AGAP1: variants seen among roughly 807,000 people sequenced by gnomAD.
AGAP1 encodes arf-GAP with GTPase, ANK repeat and PH domain-containing protein 1.
AGAP1 carries 29 observed loss-of-function variants against 105.3 expected under a neutral mutation model. That is an observed-to-expected ratio of 0.28 (90% confidence interval 0.21 to 0.38). The LOEUF is 0.38. Among genes scored for constraint, AGAP1 ranks in the 10% least tolerant of loss-of-function variants. The probability of loss-of-function intolerance (pLI) is 1.00; values close to 1 mark genes in which losing one functional copy is unlikely to be tolerated. For synonymous variants in AGAP1, 509 were observed against 485.9 expected, an observed-to-expected ratio of 1.05 and a Z score of -0.63; for missense variants, 998 against 1,165.1, an observed-to-expected ratio of 0.86 and a Z score of 2.09.
intron 3 of AGAP1, chr2:235,718,370 A>G (rs1951223194): frequency 1.0e-6 from 1 of 985,712 alleles, no homozygotes; most frequent in East Asian, 1.1e-4. Context: ...TGGCTGTTCC[A>G]TTCTTTGCAG....
At chr2:235,641,762 A>C (rs1271359347) in intron 1 of AGAP1, among the ~76,000 whole-genome samples, 2 of 152,214 alleles carry the variant, frequency 1.3e-5, no homozygotes, top group Non-Finnish European at 2.9e-5. Context: ...TTGAAGAATG[A>C]TTTCCCATAA....
In AGAP1 at chr2:235,552,287, C is replaced by CA. The variant is rs2149118032; in HGVS notation, c.163+57440dup. 6.6e-6 allele frequency among the ~76,000 whole-genome samples: 1 copy of CA among 152,296 alleles called. No homozygotes were observed. The highest frequency in any genetic ancestry group is 1.9e-4 in the East Asian group (1 of 5,182). ...GCAGGAAAGAGAGAGACATTGGTGC[C>CA]AAGAAATCCTATCGGGGACATTTAA... On this transcript the variant is annotated intron_variant, in intron 1 of 17. Coordinates refer to ENST00000304032, the MANE Select transcript of AGAP1 (RefSeq NM_001037131.3). The surrounding 1 kb of genome is among the most constrained non-coding windows in gnomAD (Gnocchi z 5.9).
chr2:235,979,406 G>A lies in AGAP1; in HGVS notation c.1645+10783G>A, dbSNP rs1313329869. The stretch of plus-strand genomic sequence containing the variant: ...AAATGCCTGTCTCGCCTGGCTGCGG[G>A]GTCCGATCATAGTTACTGACTCGCG... On this transcript the variant is annotated intron_variant, in intron 13 of 17. Coordinates refer to ENST00000304032, the MANE Select transcript of AGAP1 (RefSeq NM_001037131.3). The surrounding 1 kb of genome is among the most constrained non-coding windows in gnomAD (Gnocchi z 4.5). Among the ~76,000 whole-genome samples the A allele has an allele frequency of 6.6e-6, 1 of 152,046 alleles. No individual in the cohort carries two copies. Among genetic ancestry groups the A allele is most frequent in the Non-Finnish European group, 1.5e-5 (1 of 68,020 alleles).
rs1000018030 is a variant in AGAP1 at position 235,931,595 on chromosome 2, G to A, written c.1483+672G>A. Among the ~76,000 whole-genome samples, 11 of 151,946 alleles carry A rather than the reference G, an allele frequency of 7.2e-5. No individual in the cohort carries two copies. The highest frequency in any genetic ancestry group is 2.7e-4 in the African/African-American group (11 of 41,348). ...GTTTGCCTGTGGCGTTTTGTCTCTGGCCTGTTCACCGGTATTTAAAGGAAT... is the reference window on the plus strand; with the variant it reads ...GTTTGCCTGTGGCGTTTTGTCTCTGACCTGTTCACCGGTATTTAAAGGAAT... On this transcript the variant is annotated intron_variant, in intron 12 of 17. Transcript: ENST00000304032. This position sits in a 1 kb window ranked among gnomAD's most constrained non-coding sequence, Gnocchi z 5.6.
chr2:235,733,885 T>A lies in AGAP1; in HGVS notation c.311-7078T>A, dbSNP rs1360467608. 1.3e-5 allele frequency among the ~76,000 whole-genome samples: 2 copies of A among 152,238 alleles called. No individual in the cohort carries two copies. The highest frequency in any genetic ancestry group is 4.8e-5 in the African/African-American group (2 of 41,448). ...GAAGTGAAATCTGATTTGGCTAAAT[T>A]TTGTAAACAAAGATGTTACCAATAA... On this transcript the variant is annotated intron_variant, in intron 3 of 17. Transcript: ENST00000304032. This position sits in a 1 kb window ranked among gnomAD's most constrained non-coding sequence, Gnocchi z 5.0.
rs192831694 is a variant in AGAP1, at chr2:236,043,646, G to A, written c.1891+2805G>A. On this transcript the variant is annotated intron_variant, in intron 15 of 17. Transcript: ENST00000304032. ...GGAGGCTGAGGCAGGACTTGAACTCGAGAGGCGGAGTTTGCAGTGAGCCAA... is the reference window on the plus strand; with the variant it reads ...GGAGGCTGAGGCAGGACTTGAACTCAAGAGGCGGAGTTTGCAGTGAGCCAA... Among the ~76,000 whole-genome samples, 12 of 151,792 alleles carry A rather than the reference G, an allele frequency of 7.9e-5. No homozygotes were observed. In the East Asian group the frequency reaches 1.4e-3, roughly 17 times the overall value.
rs78293578 is a variant in AGAP1 at position 235,893,485 on chromosome 2, G to C, written c.1155+10036G>C. On this transcript the variant is annotated intron_variant, in intron 10 of 17. Coordinates refer to ENST00000304032, the MANE Select transcript of AGAP1 (RefSeq NM_001037131.3). This position sits in a 1 kb window ranked among gnomAD's most constrained non-coding sequence, Gnocchi z 4.7. The stretch of plus-strand genomic sequence containing the variant: ...CGGGTGCACCATGTCCATCATAAGG[G>C]TGAGCCATGTTTGTGGCGTGGGTGT... 0.029 allele frequency among the ~76,000 whole-genome samples: 4,381 copies of C among 149,666 alleles called. 138 individuals carry two copies. The highest frequency in any genetic ancestry group is 0.094 in the South Asian group (435 of 4,650).
At position 235,521,742 on chromosome 2, in the gene AGAP1, A is replaced by ATGTGTG. The variant is rs59090836; in HGVS notation, c.163+26927_163+26932dup. 6.7e-3 allele frequency among the ~76,000 whole-genome samples: 809 copies of ATGTGTG among 121,568 alleles called. 9 individuals carry two copies. The highest frequency in any genetic ancestry group is 9.0e-3 in the Non-Finnish European group (504 of 55,808). 79.8% of individuals were successfully genotyped at this position (121,568 alleles called of 152,430 possible). A position where few individuals can be genotyped will look rare whatever the true frequency, so the allele number is the denominator to read the frequency against. On this transcript the variant is annotated intron_variant, in intron 1 of 17. Coordinates refer to ENST00000304032, the MANE Select transcript of AGAP1 (RefSeq NM_001037131.3). ...TTTCTTGTTTTTGTTTGTTATATAT[A>ATGTGTG]TGTGTGTGTGTGTGTGTGTGTGTGT... is the stretch of plus-strand genomic sequence containing the variant.
At chr2:235,975,410 C>T (rs759629269) in intron 13 of AGAP1, among the ~76,000 whole-genome samples, 13 of 152,208 alleles carry the variant, frequency 8.5e-5, no homozygotes, top group East Asian at 1.9e-4. Context: ...TGTAACCATC[C>T]GGTTAGATGG....
Position 236,082,345 on chromosome 2 carries a change from T to C in AGAP1, c.2114+33064T>C, listed in dbSNP as rs568091663. ...TAATTTCCTCTGCCAGCTAATTTAATTAATCACCCCCAGCTCAGCTCTTCC... is the reference window on the plus strand; with the variant it reads ...TAATTTCCTCTGCCAGCTAATTTAACTAATCACCCCCAGCTCAGCTCTTCC... On this transcript the variant is annotated intron_variant, in intron 16 of 17. Coordinates refer to ENST00000304032, the MANE Select transcript of AGAP1 (RefSeq NM_001037131.3). This position sits in a 1 kb window ranked among gnomAD's most constrained non-coding sequence, Gnocchi z 4.2. 4.6e-5 allele frequency among the ~76,000 whole-genome samples: 7 copies of C among 152,358 alleles called. No homozygotes were observed. In the South Asian group the frequency reaches 1.2e-3, roughly 27 times the overall value.
At position 235,521,291 on chromosome 2, in the gene AGAP1, A is replaced by G. The variant is rs558932518; in HGVS notation, c.163+26442A>G. Reference sequence around the variant, plus strand: ...TCCTGGTGGAGGTGTACTTAGATACATTTCTTTATTTTCAATTTTTAGGGA... The same window carrying G: ...TCCTGGTGGAGGTGTACTTAGATACGTTTCTTTATTTTCAATTTTTAGGGA... On this transcript the variant is annotated intron_variant, in intron 1 of 17. Coordinates refer to ENST00000304032, the MANE Select transcript of AGAP1 (RefSeq NM_001037131.3). Among the ~76,000 whole-genome samples, 80 of 152,240 alleles carry G rather than the reference A, an allele frequency of 5.3e-4. 1 individual carries two copies. Among genetic ancestry groups the G allele is most frequent in the South Asian group, 5.0e-3 (24 of 4,822 alleles).
At position 235,994,941 on chromosome 2, in the gene AGAP1, C is replaced by A. The variant is rs1162223127; in HGVS notation, c.1645+26318C>A. Among the ~76,000 whole-genome samples the A allele has an allele frequency of 6.6e-6, 1 of 150,546 alleles. No individual in the cohort carries two copies. Among genetic ancestry groups the A allele is most frequent in the South Asian group, 2.1e-4 (1 of 4,754 alleles). On this transcript the variant is annotated intron_variant, in intron 13 of 17. Coordinates refer to ENST00000304032, the MANE Select transcript of AGAP1 (RefSeq NM_001037131.3). This position sits in a 1 kb window ranked among gnomAD's most constrained non-coding sequence, Gnocchi z 4.4. The stretch of plus-strand genomic sequence containing the variant: ...CATTAGCCAAGCGTGGTGGTAGGCG[C>A]CTGTAATCGCAGCTACTTGGGAGGC...
At chr2:235,873,243 C>T (rs2049532449) in intron 9 of AGAP1, among the ~76,000 whole-genome samples, 1 of 152,346 alleles carries the variant, frequency 6.6e-6, no homozygotes, top group African/African-American at 2.4e-5. Flanking sequence ...AATCAGTGTT[C>T]AGAATTAATT....
rs978266920 is a variant in AGAP1 at position 236,042,380 on chromosome 2, A to G, written c.1891+1539A>G. ...CGGGTGAGGGAAGGGGTTCTTCTCC[A>G]GGTATCTTGAGGTTCTTCTTTAAAG... On this transcript the variant is annotated intron_variant, in intron 15 of 17. Coordinates refer to ENST00000304032, the MANE Select transcript of AGAP1 (RefSeq NM_001037131.3). This position sits in a 1 kb window ranked among gnomAD's most constrained non-coding sequence, Gnocchi z 5.6. Among the ~76,000 whole-genome samples the G allele has an allele frequency of 1.3e-5, 2 of 152,182 alleles. No individual in the cohort carries two copies. Among genetic ancestry groups the G allele is most frequent in the African/African-American group, 4.8e-5 (2 of 41,466 alleles).
In AGAP1 at chr2:235,908,989, G is replaced by A; in HGVS notation, c.1324+83G>A. 7.8e-7 allele frequency: 1 copy of A among 1,285,884 alleles called. No homozygotes were observed. Among genetic ancestry groups the A allele is most frequent in the Non-Finnish European group, 1.1e-6 (1 of 920,524 alleles). 79.7% of individuals were successfully genotyped at this position (1,285,884 alleles called of 1,614,324 possible). A position where few individuals can be genotyped will look rare whatever the true frequency, so the allele number is the denominator to read the frequency against. ...CTCGAGGATAATGTTGGACTCCTAG[G>A]TTAAGTGGAGACAGTAACTATCACA... is the stretch of plus-strand genomic sequence containing the variant. On this transcript the variant is annotated intron_variant, in intron 11 of 17. Transcript: ENST00000304032. This position sits in a 1 kb window ranked among gnomAD's most constrained non-coding sequence, Gnocchi z 4.4.
intron 13 of AGAP1, among the ~76,000 whole-genome samples, chr2:236,010,448 C>T (rs2056472071): frequency 6.6e-6 from 1 of 152,198 alleles, no homozygotes; most frequent in Non-Finnish European, 1.5e-5. Context: ...GATCAGATGC[C>T]TTAAGAAATG....
At position 235,712,892 on chromosome 2, in the gene AGAP1, T is replaced by C. The variant is rs1373228491; in HGVS notation, c.222+3655T>C. Among the ~76,000 whole-genome samples, 1 of 152,222 alleles carries C rather than the reference T, an allele frequency of 6.6e-6. No individual in the cohort carries two copies. Among genetic ancestry groups the C allele is most frequent in the Non-Finnish European group, 1.5e-5 (1 of 68,042 alleles). ...GTGGCGTGACACACTTGAAACGGCA[T>C]TTTGACCCCTTATTTTATTTTCCTT... is the stretch of plus-strand genomic sequence containing the variant. On this transcript the variant is annotated intron_variant, in intron 2 of 17. Transcript: ENST00000304032. The surrounding 1 kb of genome is among the most constrained non-coding windows in gnomAD (Gnocchi z 6.0).
chr2:236,043,501 CGGATCACCTGA>C (rs1217301102), intron 15 of AGAP1, among the ~76,000 whole-genome samples: 1 of 152,066 alleles, frequency 6.6e-6, no homozygotes, highest in Admixed American at 6.6e-5. Flanking sequence ...CCAAGGTGGG[CGGATCACCTGA>C]GGTCAGGAGT....
At chr2:235,831,088 G>C (rs1959305852) in intron 9 of AGAP1, among the ~76,000 whole-genome samples, 1 of 151,536 alleles carries the variant, frequency 6.6e-6, no homozygotes, top group Non-Finnish European at 1.5e-5. Flanking sequence ...AGTGGTACCA[G>C]CACCTGCTGG....
Sources: gnomAD v4.1 joint callset for allele counts (sites outside exome capture counted in the v4.1 genomes callset) on GRCh38, gnomAD v4.1.1 for gene constraint, Gnocchi (gnomAD v3.1) non-coding constraint, MANE v1.5 for transcripts, NCBI Gene and HGNC (gene_info 2026-07-23, HGNC 2026-07-21) for gene names.